Variants in TMEM200C observed in about 807,000 individuals in gnomAD.
The protein encoded by TMEM200C is transmembrane protein TTMA.
For synonymous variants in TMEM200C, 462 were observed against 324.7 expected (o/e 1.42, Z -4.55); for missense variants, 966 against 699.9 (o/e 1.38, Z -4.29).
exon 3 of TMEM200C, chr18:5,890,492 G>C (rs769160152): frequency 1.9e-6 from 3 of 1,547,786 alleles, no homozygotes; most frequent in Non-Finnish European, 2.6e-6. Flanking sequence ...CCGACTGGGA[G>C]CTCCCGGAGT....
exon 3 of TMEM200C, chr18:5,890,358 C>T (rs1412269891): frequency 6.3e-7 from 1 of 1,596,578 alleles, no homozygotes; most frequent in Admixed American, 1.7e-5. Flanking sequence ...CTGCTCCGCA[C>T]CCAGAACGGG....
At chr18:5,889,145 C>G (rs1390470970) in exon 3 of TMEM200C, 1 of 152,194 alleles carries the variant, frequency 6.6e-6, no homozygotes, top group Admixed American at 6.5e-5. Flanking sequence ...GAATATTAAG[C>G]CTGGTGCTCT....
rs1354185404 is a variant in TMEM200C at position 5,891,663 on chromosome 18, G to A, written c.401C>T (p.Thr134Met). 1.2e-6 allele frequency: 2 copies of A among 1,613,644 alleles called. No homozygotes were observed. The highest frequency in any genetic ancestry group is 2.2e-5 in the East Asian group (1 of 44,822). Residue 134 changes from threonine (T) to methionine (M), a missense_variant, in exon 3 of 3, where the codon ACG becomes ATG. By Grantham distance (81) the Thr-to-Met change is moderately conservative. Coordinates refer to ENST00000581347, the Ensembl canonical transcript of TMEM200C. This position sits in a 1 kb window ranked among gnomAD's most constrained non-coding sequence, Gnocchi z 4.7. The stretch of plus-strand genomic sequence containing the variant: ...CGGGGAGGCGGCTCGTGCTGGAGGC[G>A]TGCTCCTGGGCGCGCCCGCGGAACT...
In TMEM200C at chr18:5,891,655, C is replaced by G. The variant is rs1294257514; in HGVS notation, c.409G>C (p.Ala137Pro). 3 of 1,613,780 alleles carry G rather than the reference C, an allele frequency of 1.9e-6. No individual in the cohort carries two copies. Among genetic ancestry groups the G allele is most frequent in the Non-Finnish European group, 2.5e-6 (3 of 1,179,824 alleles). ...GAGGAGGACGGGGAGGCGGCTCGTG[C>G]TGGAGGCGTGCTCCTGGGCGCGCCC... The change falls in exon 3 of 3, where the codon GCA becomes CCA. Residue 137 changes from alanine to proline, a missense_variant. By Grantham distance (27) the Ala-to-Pro change is conservative. Transcript: ENST00000581347. This position sits in a 1 kb window ranked among gnomAD's most constrained non-coding sequence, Gnocchi z 4.7.
chr18:5,892,136 G>A, exon 3 of TMEM200C: 1 of 1,397,216 alleles, frequency 7.2e-7, no homozygotes, highest in Non-Finnish European at 9.7e-7. Context: ...CTGCCCACTA[G>A]CTGCTCAGCC....
exon 3 of TMEM200C, chr18:5,882,558 A>T (rs542144904): frequency 6.6e-6 from 1 of 152,166 alleles, no homozygotes; most frequent in Non-Finnish European, 1.5e-5. Context: ...ATGCACTTCA[A>T]TTGTGTTTTG....
chr18:5,891,389 G>A lies in TMEM200C; in HGVS notation c.675C>T (p.Ala225=), dbSNP rs899448801. The A allele has an allele frequency of 2.2e-6, 3 of 1,345,346 alleles. No homozygotes were observed. Among genetic ancestry groups the A allele is most frequent in the Non-Finnish European group, 2.8e-6 (3 of 1,053,018 alleles). 83.3% of individuals were successfully genotyped at this position (1,345,346 alleles called of 1,614,324 possible). The change falls in exon 3 of 3, where the codon GCC becomes GCT. Residue 225 remains alanine (A), a synonymous_variant. Coordinates refer to ENST00000581347, the Ensembl canonical transcript of TMEM200C. This position sits in a 1 kb window ranked among gnomAD's most constrained non-coding sequence, Gnocchi z 4.7. Reference sequence around the variant, plus strand: ...ACGACGAAGAGGCGGCGGCGGCCGCGGCGGCGGCCGCGGCGGCCGCCAGGT... The same window carrying A: ...ACGACGAAGAGGCGGCGGCGGCCGCAGCGGCGGCCGCGGCGGCCGCCAGGT...
In TMEM200C at chr18:5,891,623, C is replaced by T; in HGVS notation, c.441G>A (p.Thr147=). The stretch of plus-strand genomic sequence containing the variant: ...AGATGCGGAAGAAGAAGCCCACGGA[C>T]GTGGAGGAGGAGGACGGGGAGGCGG... The change falls in exon 3 of 3, where the codon ACG becomes ACA. Residue 147 remains threonine (T), a synonymous_variant. Transcript: ENST00000581347. The surrounding 1 kb of genome is among the most constrained non-coding windows in gnomAD (Gnocchi z 4.7). The T allele has an allele frequency of 6.2e-7, 1 of 1,613,806 alleles. No individual in the cohort carries two copies. The highest frequency in any genetic ancestry group is 8.5e-7 in the Non-Finnish European group (1 of 1,179,834).
At chr18:5,890,634 T>A in exon 3 of TMEM200C, 1 of 833,046 alleles carries the variant, frequency 1.2e-6, no homozygotes, top group Non-Finnish European at 1.6e-6. Context: ...CGCCCGGTAG[T>A]CCGGGAGCCC....
chr18:5,890,232 C>T (rs1265085122), exon 3 of TMEM200C: 8 of 1,576,364 alleles, frequency 5.1e-6, no homozygotes. Flanking sequence ...TTCTTCTACC[C>T]CTATGGCATG....
exon 2 of TMEM200C, chr18:5,895,398 T>C (rs916763379): frequency 6.6e-6 from 1 of 150,616 alleles, no homozygotes; most frequent in Non-Finnish European, 1.5e-5. Context: ...GCGCCTCTTT[T>C]GTGTGGCTGC....
At chr18:5,890,313 G>A (rs1567886525) in exon 3 of TMEM200C, 1 of 1,603,982 alleles carries the variant, frequency 6.2e-7, no homozygotes, top group Non-Finnish European at 8.5e-7. Context: ...TTGCTCGGCC[G>A]TGGGTGGCTC....
At chr18:5,883,317 A>G (rs1031611772) in exon 3 of TMEM200C, 4 of 152,002 alleles carry the variant, frequency 2.6e-5, no homozygotes, top group South Asian at 2.1e-4. Flanking sequence ...TTTTACTTTA[A>G]TAGAATATTT....
chr18:5,891,305 G>A lies in TMEM200C; in HGVS notation c.759C>T (p.Tyr253=), dbSNP rs957925838. The A allele has an allele frequency of 1.4e-4, 201 of 1,409,054 alleles. No individual in the cohort carries two copies. The highest frequency in any genetic ancestry group is 2.4e-4 in the Middle Eastern group (1 of 4,196). 87.3% of individuals were successfully genotyped at this position (1,409,054 alleles called of 1,614,324 possible). A position where few individuals can be genotyped will look rare whatever the true frequency, so the allele number is the denominator to read the frequency against. Residue 253 remains tyrosine (Y), a synonymous_variant, in exon 3 of 3, where the codon TAC becomes TAT. Coordinates refer to ENST00000581347, the Ensembl canonical transcript of TMEM200C. This position sits in a 1 kb window ranked among gnomAD's most constrained non-coding sequence, Gnocchi z 4.7. ...TCAGCTCCAGGCCCCGCGACTGCAC[G>A]TAGCTGAGGAAGCCGTTGAGCGGTA... is the stretch of plus-strand genomic sequence containing the variant.
chr18:5,890,852 A>G (rs1347427274), exon 3 of TMEM200C: 1 of 679,362 alleles, frequency 1.5e-6, no homozygotes, highest in Non-Finnish European at 2.7e-6. Context: ...GTTCCCCCGG[A>G]GGCCTCTGCC....
exon 3 of TMEM200C, chr18:5,890,429 G>A: frequency 1.9e-6 from 3 of 1,574,722 alleles, no homozygotes; most frequent in Non-Finnish European, 2.6e-6. Context: ...ACTCGGTGGA[G>A]GTGCCGGCCT....
At chr18:5,892,147 ACCT>A in exon 3 of TMEM200C, 1 of 1,293,860 alleles carries the variant, frequency 7.7e-7, no homozygotes, top group South Asian at 1.4e-5. Context: ...CTGCTCAGCC[ACCT>A]CCTCCTGCTG....
chr18:5,891,551 G>C lies in TMEM200C; in HGVS notation c.513C>G (p.Leu171=). 1 of 1,613,722 alleles carries C rather than the reference G, an allele frequency of 6.2e-7. No homozygotes were observed. ...AGAGGAAGATGCCGATGCCCATGAT[G>C]AGGGGCCCGAAGACCTTGAGCTTGT... Residue 171 remains leucine (L), a synonymous_variant, in exon 3 of 3, where the codon CTC becomes CTG. Coordinates refer to ENST00000581347, the Ensembl canonical transcript of TMEM200C. This position sits in a 1 kb window ranked among gnomAD's most constrained non-coding sequence, Gnocchi z 4.7.
rs1310946235 is a variant in TMEM200C at position 5,891,121 on chromosome 18, G to T, written c.943C>A (p.Pro315Thr). ...TACACGGCCTCGGCCAGGCTCGGGG[G>T]CTCCCGCGGACAGCGCGGGGAAGAG... The change falls in exon 3 of 3, where the codon CCC becomes ACC. Residue 315 changes from proline (P) to threonine (T), a missense_variant. Pro to Thr is a conservative substitution (Grantham distance 38). Coordinates refer to ENST00000581347, the Ensembl canonical transcript of TMEM200C. The surrounding 1 kb of genome is among the most constrained non-coding windows in gnomAD (Gnocchi z 4.7). 6.0e-6 allele frequency: 3 copies of T among 497,512 alleles called. No homozygotes were observed. The highest frequency in any genetic ancestry group is 2.0e-5 in the African/African-American group (1 of 49,140). The allele number at this position is 497,512 out of a possible 1,614,324, so 30.8% of individuals were successfully genotyped here.
Sources: gnomAD v4.1 joint callset for allele counts on GRCh38, gnomAD v4.1.1 for gene constraint, Gnocchi (gnomAD v3.1) non-coding constraint, MANE v1.5 for transcripts, NCBI Gene and HGNC (gene_info 2026-07-23, HGNC 2026-07-21) for gene names.